TNS3: variants seen among roughly 807,000 people sequenced by gnomAD.
TNS3 encodes the protein tensin-3.
TNS3 carries 45 observed loss-of-function variants against 140.9 expected under a neutral mutation model. That is an observed-to-expected ratio of 0.32 (90% CI 0.25 to 0.41). The LOEUF is 0.41. Among genes scored for constraint, TNS3 ranks in the 10% least tolerant of loss-of-function variants. The pLI is 1.00. For missense variants in TNS3, 1,716 were observed against 1,906.7 expected, an observed-to-expected ratio of 0.90 and a Z score of 1.86; for synonymous variants, 815 against 788.4, an observed-to-expected ratio of 1.03 and a Z score of -0.56.
intron 1 of TNS3, among the ~76,000 whole-genome samples, chr7:47,534,304 G>C (rs1411332407): frequency 6.6e-6 from 1 of 151,762 alleles, no homozygotes; most frequent in Admixed American, 6.6e-5. Flanking sequence ...TAAAGTAGGG[G>C]AAAGAGTCCT....
At chr7:47,516,586 T>C (rs1451908292) in intron 2 of TNS3, among the ~76,000 whole-genome samples, 1 of 152,082 alleles carries the variant, frequency 6.6e-6, no homozygotes, top group Non-Finnish European at 1.5e-5. Context: ...ACACCCACAG[T>C]GACTGTGCCC....
At position 47,392,703 on chromosome 7, in the gene TNS3, G is replaced by A. The variant is rs116010649; in HGVS notation, c.1024+4097C>T. Among the ~76,000 whole-genome samples the A allele has an allele frequency of 2.0e-3, 311 of 152,360 alleles. 2 individuals are homozygous for A. The highest frequency in any genetic ancestry group is 6.5e-3 in the African/African-American group (272 of 41,588). Reference sequence around the variant, plus strand: ...GGACCTGAGCCAGGCACTGCTGACCGCAGGCAAGAGCGAAGACTGCCTGGA... The same window carrying A: ...GGACCTGAGCCAGGCACTGCTGACCACAGGCAAGAGCGAAGACTGCCTGGA... On this transcript the variant is annotated intron_variant, in intron 16 of 30. Coordinates refer to ENST00000311160, the MANE Select transcript of TNS3 (RefSeq NM_022748.12).
At chr7:47,404,958 G>A (rs1793363566) in intron 13 of TNS3, among the ~76,000 whole-genome samples, 1 of 152,164 alleles carries the variant, frequency 6.6e-6, no homozygotes, top group Non-Finnish European at 1.5e-5. Flanking sequence ...CTGGTGACCA[G>A]GAACGGAGCC....
At chr7:47,389,092 G>GCAGAAGCAGAAGAA in intron 16 of TNS3, among the ~76,000 whole-genome samples, 1 of 55,468 alleles carries the variant, frequency 1.8e-5, no homozygotes, top group African/African-American at 1.2e-4. Flanking sequence ...AAGAGGAAGA[G>GCAGAAGCAGAAGAA]GAAGAGGAAG....
At chr7:47,577,740 A>T (rs1314214896) in intron 1 of TNS3, among the ~76,000 whole-genome samples, 1 of 152,182 alleles carries the variant, frequency 6.6e-6, no homozygotes, top group Non-Finnish European at 1.5e-5. Flanking sequence ...GTACTTGAGT[A>T]GTAAAAGGAA....
intron 1 of TNS3, among the ~76,000 whole-genome samples, chr7:47,577,256 A>G (rs140730794): frequency 2.8e-4 from 43 of 152,314 alleles, no homozygotes; most frequent in African/African-American, 9.9e-4. Context: ...GATTCTTCTG[A>G]TATCTTAGAA....
intron 20 of TNS3, among the ~76,000 whole-genome samples, chr7:47,319,563 C>A (rs903596303): frequency 6.6e-6 from 1 of 152,088 alleles, no homozygotes; most frequent in Non-Finnish European, 1.5e-5. Context: ...GACAAATATC[C>A]AAACTGTATC....
chr7:47,535,542 G>C (rs11972530), intron 1 of TNS3, among the ~76,000 whole-genome samples: 7 of 152,158 alleles, frequency 4.6e-5, no homozygotes, highest in Admixed American at 4.6e-4. Flanking sequence ...CTCCCAAAGG[G>C]GGAGAGGAGG....
intron 4 of TNS3, among the ~76,000 whole-genome samples, chr7:47,475,954 C>T (rs149295772): frequency 2.6e-5 from 4 of 152,274 alleles, no homozygotes; most frequent in Non-Finnish European, 4.4e-5. Context: ...GCAGGGGACA[C>T]GCTCTGGAAC....
intron 20 of TNS3, among the ~76,000 whole-genome samples, chr7:47,331,022 G>A (rs968145201): frequency 1.3e-5 from 2 of 152,144 alleles, no homozygotes; most frequent in African/African-American, 2.4e-5. Flanking sequence ...TACTCCCAGC[G>A]ATCAGGTGAT....
intron 17 of TNS3, among the ~76,000 whole-genome samples, chr7:47,361,206 CA>C (rs56823708): frequency 0.024 from 1,127 of 47,174 alleles, 15 homozygotes; most frequent in African/African-American, 0.055. Context: ...GTAACCATGC[CA>C]AAAAAAAAAA....
intron 1 of TNS3, among the ~76,000 whole-genome samples, chr7:47,541,828 A>T (rs1470615683): frequency 6.6e-6 from 1 of 152,082 alleles, no homozygotes; most frequent in African/African-American, 2.4e-5. Flanking sequence ...AGGCACCTGT[A>T]GTCCCAGCTA....
chr7:47,469,973 CAAAAAAAA>C (rs144012426), intron 4 of TNS3, among the ~76,000 whole-genome samples: 5 of 64,880 alleles, frequency 7.7e-5, no homozygotes, highest in Admixed American at 4.0e-4. Flanking sequence ...AACTCTGTCT[CAAAAAAAA>C]AAAAAAAAAA....
intron 12 of TNS3, among the ~76,000 whole-genome samples, chr7:47,412,165 G>A (rs186171420): frequency 1.2e-3 from 188 of 152,308 alleles, no homozygotes; most frequent in African/African-American, 4.5e-3. Context: ...AGTGCACAGA[G>A]GGCCCAGAGC....
In TNS3 at chr7:47,400,469, C is replaced by T; in HGVS notation, c.854-11G>A. The stretch of plus-strand genomic sequence containing the variant: ...CAGGAAAACGGTCATCTGAAAAAAA[C>T]AATGTATTTTAACACATTTGTGGAG... On this transcript the variant is annotated splice_polypyrimidine_tract_variant and intron_variant, in intron 14 of 30. Coordinates refer to ENST00000311160, the MANE Select transcript of TNS3 (RefSeq NM_022748.12). 6.2e-7 allele frequency: 1 copy of T among 1,613,468 alleles called. No individual in the cohort carries two copies. The highest frequency in any genetic ancestry group is 8.5e-7 in the Non-Finnish European group (1 of 1,179,470).
At position 47,297,296 on chromosome 7, in the gene TNS3, T is replaced by TC. The variant is rs34159238; in HGVS notation, c.3545-84dup. The TC allele has an allele frequency of 5.6e-4, 791 of 1,413,864 alleles. No homozygotes were observed. In the Middle Eastern group the frequency reaches 7.3e-3, roughly 13 times the overall value. 87.6% of individuals were successfully genotyped at this position (1,413,864 alleles called of 1,614,324 possible). On this transcript the variant is annotated intron_variant, in intron 23 of 30. Coordinates refer to ENST00000311160, the MANE Select transcript of TNS3 (RefSeq NM_022748.12). ...CACTCATAACCTTGGGTAGGTCCTCTCCCCTTACTCTTTTTGCAAACTGGA... is the reference window on the plus strand; with the variant it reads ...CACTCATAACCTTGGGTAGGTCCTCTCCCCCTTACTCTTTTTGCAAACTGGA...
At chr7:47,379,520 C>T (rs1584519803) in intron 16 of TNS3, among the ~76,000 whole-genome samples, 1 of 152,210 alleles carries the variant, frequency 6.6e-6, no homozygotes, top group Non-Finnish European at 1.5e-5. Flanking sequence ...TGCTTTTAAT[C>T]TACTAAATCA....
chr7:47,516,136 A>G (rs889477371), intron 2 of TNS3, among the ~76,000 whole-genome samples: 1 of 152,256 alleles, frequency 6.6e-6, no homozygotes, highest in South Asian at 2.1e-4. Flanking sequence ...TGTATATGAC[A>G]TATGTGAATT....
intron 3 of TNS3, among the ~76,000 whole-genome samples, chr7:47,487,862 G>A (rs957424198): frequency 3.3e-5 from 5 of 152,014 alleles, no homozygotes; most frequent in Non-Finnish European, 4.4e-5. Context: ...AAGAAACTTC[G>A]TGATGGCGCC....
Sources: gnomAD v4.1 joint callset for allele counts (sites outside exome capture counted in the v4.1 genomes callset) on GRCh38, gnomAD v4.1.1 for gene constraint, MANE v1.5 for transcripts, NCBI Gene and HGNC (gene_info 2026-07-23, HGNC 2026-07-21) for gene names.